The following MYO5B variants were observed in gnomAD, a reference collection of about 807,000 sequenced individuals.
The protein encoded by MYO5B is unconventional myosin-Vb.
Under a neutral mutation model 229.3 loss-of-function variants are expected in MYO5B, and 143 were observed. The observed-to-expected ratio is 0.62, with a 90% confidence interval of 0.54 to 0.72. The LOEUF (loss-of-function observed/expected upper bound fraction) is 0.72, where lower values mean the gene tolerates loss of function less well. Ranked by LOEUF, MYO5B falls within the 30% of genes least tolerant of loss-of-function variation. The pLI, the probability that MYO5B is intolerant of heterozygous loss-of-function variation, is 0.00. For synonymous variants in MYO5B, 918 were observed against 885.2 expected (o/e 1.04, Z -0.66); for missense variants, 2,321 against 2,331.0 (o/e 1.00, Z 0.09).
chr18:49,922,267 C>A (rs2025083469), intron 17 of MYO5B, among the ~76,000 whole-genome samples: 1 of 152,192 alleles, frequency 6.6e-6, no homozygotes, highest in Admixed American at 6.5e-5. Context: ...TAGGCATATA[C>A]CAATCTCCTG....
intron 1 of MYO5B, among the ~76,000 whole-genome samples, chr18:50,108,707 T>G (rs916124800): frequency 1.3e-5 from 2 of 152,166 alleles, no homozygotes; most frequent in Non-Finnish European, 2.9e-5. Context: ...TATCTCGGGT[T>G]CTAATAATAA....
At chr18:50,146,966 C>T (rs564293703) in intron 1 of MYO5B, among the ~76,000 whole-genome samples, 7 of 152,250 alleles carry the variant, frequency 4.6e-5, no homozygotes, top group South Asian at 4.2e-4. Context: ...GCCCTCCAAT[C>T]GCCCACATAA....
At chr18:49,939,527 T>C (rs1408482249) in intron 14 of MYO5B, among the ~76,000 whole-genome samples, 1 of 152,218 alleles carries the variant, frequency 6.6e-6, no homozygotes, top group Non-Finnish European at 1.5e-5. Flanking sequence ...CATAGAATTT[T>C]AGATCTGGAA....
chr18:50,164,948 C>G (rs1481975554), intron 1 of MYO5B, among the ~76,000 whole-genome samples: 1 of 152,192 alleles, frequency 6.6e-6, no homozygotes, highest in Admixed American at 6.5e-5. Flanking sequence ...CTCAACAGAT[C>G]ACTTTGTGGA....
rs189874083 is a variant in MYO5B at position 50,129,339 on chromosome 18, G to A, written c.27+65428C>T. Among the ~76,000 whole-genome samples the A allele has an allele frequency of 3.0e-3, 453 of 152,328 alleles. 1 individual carries two copies. The highest frequency in any genetic ancestry group is 0.01 in the Middle Eastern group (3 of 294). On this transcript the variant is annotated intron_variant, in intron 1 of 39. Transcript: ENST00000285039. Reference sequence around the variant, plus strand: ...CTTTCTCCTCAAGGGAACTTCAACAGACAAGCTTCTGCCCTATATTAATTG... The same window carrying A: ...CTTTCTCCTCAAGGGAACTTCAACAAACAAGCTTCTGCCCTATATTAATTG...
intron 34 of MYO5B, 86 bp from the exon 35 acceptor site, chr18:49,841,540 A>AC: frequency 2.4e-6 from 3 of 1,240,630 alleles, no homozygotes; most frequent in Middle Eastern, 1.9e-4. Context: ...CACATTTCCT[A>AC]CCCTTACCTA....
At chr18:50,142,927 A>G (rs2032439838) in intron 1 of MYO5B, among the ~76,000 whole-genome samples, 1 of 152,206 alleles carries the variant, frequency 6.6e-6, no homozygotes. Flanking sequence ...ATAGGAAAAC[A>G]CCTAAGAATG....
chr18:50,045,461 T>C (rs1039378504), intron 2 of MYO5B, among the ~76,000 whole-genome samples: 1 of 152,200 alleles, frequency 6.6e-6, no homozygotes, highest in Non-Finnish European at 1.5e-5. Flanking sequence ...TGAGGCAATC[T>C]TGACTAACTG....
rs746225253 is a variant in MYO5B, at chr18:50,040,357, G to A, written c.139-43C>T. On this transcript the variant is annotated intron_variant, in intron 2 of 39. Transcript: ENST00000285039. ...GCAGACACAAAAAGGTGGTTATGAA[G>A]CGTTAAGTCTGTATTCAATGTCCTG... The A allele has an allele frequency of 5.7e-6, 9 of 1,567,914 alleles. No homozygotes were observed. The East Asian group carries it at 6.7e-5, about 12-fold the overall frequency.
At chr18:49,905,514 A>C (rs1435378431) in intron 19 of MYO5B, among the ~76,000 whole-genome samples, 3 of 152,194 alleles carry the variant, frequency 2.0e-5, no homozygotes, top group Non-Finnish European at 4.4e-5. Flanking sequence ...GAAATGCTAA[A>C]AAAGACCTTG....
intron 1 of MYO5B, among the ~76,000 whole-genome samples, chr18:50,128,713 C>T (rs1238823178): frequency 1.3e-5 from 2 of 152,168 alleles, no homozygotes; most frequent in African/African-American, 2.4e-5. Context: ...CCTAAGAATC[C>T]GAGATCCTTT....
intron 16 of MYO5B, among the ~76,000 whole-genome samples, chr18:49,933,209 C>T (rs2025213329): frequency 6.6e-6 from 1 of 152,220 alleles, no homozygotes; most frequent in Admixed American, 6.5e-5. Context: ...GAGACCTGGG[C>T]TGGCCTTCGG....
At chr18:50,005,643 C>G (rs1351767109) in intron 4 of MYO5B, among the ~76,000 whole-genome samples, 1 of 152,150 alleles carries the variant, frequency 6.6e-6, no homozygotes, top group East Asian at 1.9e-4. Context: ...TCTTGAACTC[C>G]TGAGCTCAAG....
intron 4 of MYO5B, among the ~76,000 whole-genome samples, chr18:50,006,262 T>C (rs2026099785): frequency 6.6e-6 from 1 of 152,264 alleles, no homozygotes; most frequent in East Asian, 1.9e-4. Context: ...CCAATGTCCT[T>C]CAAAAATATA....
chr18:50,066,656 A>G (rs1476166665), intron 1 of MYO5B, among the ~76,000 whole-genome samples: 4 of 152,318 alleles, frequency 2.6e-5, no homozygotes, highest in South Asian at 4.1e-4. Context: ...CAACACACAC[A>G]CTGAGTTGCA....
chr18:50,061,275 G>C (rs2030679861), intron 1 of MYO5B, among the ~76,000 whole-genome samples: 1 of 152,096 alleles, frequency 6.6e-6, no homozygotes, highest in African/African-American at 2.4e-5. Context: ...CTGAACAACA[G>C]GTAAAAGTTC....
At chr18:50,153,821 G>A (rs770970772) in intron 1 of MYO5B, among the ~76,000 whole-genome samples, 4 of 152,100 alleles carry the variant, frequency 2.6e-5, no homozygotes, top group Non-Finnish European at 5.9e-5. Context: ...GAGCGAGCGG[G>A]GATGCGAGTG....
chr18:49,977,120 G>T (rs1045319662), intron 9 of MYO5B, among the ~76,000 whole-genome samples: 1 of 152,130 alleles, frequency 6.6e-6, no homozygotes. Context: ...CTGGGGACCG[G>T]CTTTTAACCA....
intron 1 of MYO5B, among the ~76,000 whole-genome samples, chr18:50,150,814 C>G (rs916476827): frequency 6.6e-6 from 1 of 151,718 alleles, no homozygotes; most frequent in Non-Finnish European, 1.5e-5. Context: ...GCACATGTAC[C>G]CTAAAACTTA....
Sources: allele counts gnomAD v4.1 joint callset (sites outside exome capture counted in the v4.1 genomes callset), GRCh38; gene constraint gnomAD v4.1.1; transcripts MANE v1.5; gene names NCBI Gene and HGNC (gene_info 2026-07-23, HGNC 2026-07-21).